PAK5: variants seen among roughly 807,000 people sequenced by gnomAD.
PAK5 encodes p21 (RAC1) activated kinase 5, also known as serine/threonine-protein kinase PAK 5.
A neutral mutation model predicts 65.9 loss-of-function variants in PAK5; 16 were observed. The ratio of observed to expected loss-of-function variants is 0.24; its 90% CI spans 0.16 to 0.37. The LOEUF is 0.37. Among genes scored for constraint, PAK5 ranks in the 10% least tolerant of loss-of-function variants. PAK5 has a pLI of 1.00. For missense variants in PAK5, 785 were observed against 903.9 expected, an observed-to-expected ratio of 0.87 and a Z score of 1.69; for synonymous variants, 371 against 354.9, an observed-to-expected ratio of 1.05 and a Z score of -0.51.
chr20:9,642,049 G>A (rs1004244787), intron 3 of PAK5, among the ~76,000 whole-genome samples: 10 of 152,238 alleles, frequency 6.6e-5, no homozygotes, highest in Admixed American at 6.5e-4. Context: ...AGTGCAGCGG[G>A]GGGGCTGAAG....
chr20:9,738,112 G>A (rs1419219336), intron 1 of PAK5, among the ~76,000 whole-genome samples: 2 of 152,048 alleles, frequency 1.3e-5, no homozygotes, highest in South Asian at 2.1e-4. Context: ...CTGTACTCCA[G>A]CCTGGTTACA....
At chr20:9,565,843 G>T in intron 5 of PAK5, 50 bp downstream of exon 5, 1 of 1,539,450 alleles carries the variant, frequency 6.5e-7, no homozygotes. Context: ...TTTGAAATGG[G>T]AAATAAATGT....
chr20:9,670,777 A>T (rs1362075940), intron 2 of PAK5, among the ~76,000 whole-genome samples: 2 of 152,152 alleles, frequency 1.3e-5, no homozygotes, highest in Non-Finnish European at 1.5e-5. Flanking sequence ...CTTTAGTTTA[A>T]TTAGATCCCA....
chr20:9,545,521 G>A (rs6056686), intron 7 of PAK5, among the ~76,000 whole-genome samples: 28,929 of 152,034 alleles, frequency 0.19, 3,628 homozygotes, highest in African/African-American at 0.36. Flanking sequence ...ACAGTCTCCA[G>A]GGTATGAATT....
chr20:9,610,972 T>C (rs572128018), intron 3 of PAK5, among the ~76,000 whole-genome samples: 6 of 152,348 alleles, frequency 3.9e-5, no homozygotes, highest in Non-Finnish European at 8.8e-5. Flanking sequence ...CTCATTCAAA[T>C]GGACATCTCG....
At chr20:9,829,893 C>T (rs1327294636) in intron 1 of PAK5, among the ~76,000 whole-genome samples, 1 of 152,202 alleles carries the variant, frequency 6.6e-6, no homozygotes, top group East Asian at 1.9e-4. Context: ...TTGCTCCCCT[C>T]CCCATCCCTT....
chr20:9,614,575 G>A (rs1481043397), intron 3 of PAK5, among the ~76,000 whole-genome samples: 1 of 152,128 alleles, frequency 6.6e-6, no homozygotes, highest in Non-Finnish European at 1.5e-5. Flanking sequence ...CCCAAAAGAT[G>A]CCAAAGGTGA....
In PAK5 at chr20:9,644,478, G is replaced by A. The variant is rs2123277005; in HGVS notation, c.-11-139C>T. 3 of 616,394 alleles carry A rather than the reference G, an allele frequency of 4.9e-6. No individual in the cohort carries two copies. In the South Asian group the frequency reaches 6.1e-5, roughly 13 times the overall value. The allele number at this position is 616,394 out of a possible 1,614,324, so 38.2% of individuals were successfully genotyped here. A position where few individuals can be genotyped will look rare whatever the true frequency, so the allele number is the denominator to read the frequency against. ...CCCAGCTGCAAAAGATAAAAGTTGAGTTTTCAGGGTGTGTAAATTAGATAA... is the reference window on the plus strand; with the variant it reads ...CCCAGCTGCAAAAGATAAAAGTTGAATTTTCAGGGTGTGTAAATTAGATAA... On this transcript the variant is annotated intron_variant, in intron 2 of 9. Coordinates refer to ENST00000353224, the MANE Select transcript of PAK5 (RefSeq NM_177990.4).
chr20:9,679,198 C>T (rs2047616544), intron 2 of PAK5, among the ~76,000 whole-genome samples: 1 of 152,142 alleles, frequency 6.6e-6, no homozygotes, highest in Non-Finnish European at 1.5e-5. Context: ...ATTCTTTCCT[C>T]TAGTTTACTT....
At chr20:9,673,254 C>T (rs977075048) in intron 2 of PAK5, among the ~76,000 whole-genome samples, 5 of 151,936 alleles carry the variant, frequency 3.3e-5, no homozygotes, top group Admixed American at 3.3e-4. Context: ...TGTTTATTAT[C>T]ATATTTACTG....
At chr20:9,586,393 T>C (rs1447082969) in intron 3 of PAK5, among the ~76,000 whole-genome samples, 1 of 152,142 alleles carries the variant, frequency 6.6e-6, no homozygotes, top group Non-Finnish European at 1.5e-5. Flanking sequence ...GTTGATTGGG[T>C]AGACTTTAAA....
intron 1 of PAK5, among the ~76,000 whole-genome samples, chr20:9,813,959 A>G (rs2123760029): frequency 6.6e-6 from 1 of 152,268 alleles, no homozygotes; most frequent in Middle Eastern, 3.4e-3. Flanking sequence ...ATAAAAATGA[A>G]CCCATATGAT....
At chr20:9,834,300 C>A (rs1452547665) in intron 1 of PAK5, among the ~76,000 whole-genome samples, 6 of 152,174 alleles carry the variant, frequency 3.9e-5, no homozygotes, top group Admixed American at 3.9e-4. Context: ...CTTGGGCACT[C>A]AGTCTTACTA....
At chr20:9,587,110 C>T (rs1474342996) in intron 3 of PAK5, among the ~76,000 whole-genome samples, 1 of 151,980 alleles carries the variant, frequency 6.6e-6, no homozygotes, top group Non-Finnish European at 1.5e-5. Context: ...CTTATAAGTG[C>T]TAGTTACTTA....
chr20:9,746,863 G>A (rs2423461), intron 1 of PAK5, among the ~76,000 whole-genome samples: 33,670 of 151,782 alleles, frequency 0.22, 4,031 homozygotes, highest in East Asian at 0.31. Flanking sequence ...ATAGAGACAC[G>A]AAAAACCCTT....
intron 2 of PAK5, among the ~76,000 whole-genome samples, chr20:9,678,874 G>C (rs952754681): frequency 6.6e-6 from 1 of 152,126 alleles, no homozygotes; most frequent in Non-Finnish European, 1.5e-5. Context: ...GGGATTATGG[G>C]AAGTGCAATT....
In PAK5 at chr20:9,597,961, A is replaced by T. The variant is rs113604094; in HGVS notation, c.205-17031T>A. Among the ~76,000 whole-genome samples, 6 of 152,320 alleles carry T rather than the reference A, an allele frequency of 3.9e-5. 1 individual carries two copies. The highest frequency in any genetic ancestry group is 1.2e-4 in the African/African-American group (5 of 41,564). On this transcript the variant is annotated intron_variant, in intron 3 of 9. Transcript: ENST00000353224. ...AGGAACAATAAACAGTTTTTAAAAAAATTTATTTTAAGTTCCAGGATACAT... is the reference window on the plus strand; with the variant it reads ...AGGAACAATAAACAGTTTTTAAAAATATTTATTTTAAGTTCCAGGATACAT...
At chr20:9,632,221 A>G (rs907025147) in intron 3 of PAK5, among the ~76,000 whole-genome samples, 1 of 152,188 alleles carries the variant, frequency 6.6e-6, no homozygotes, top group Non-Finnish European at 1.5e-5. Flanking sequence ...AGCTGTCCTT[A>G]TTTGATGAGT....
At chr20:9,654,571 C>G (rs1274326341) in intron 2 of PAK5, among the ~76,000 whole-genome samples, 1 of 152,112 alleles carries the variant, frequency 6.6e-6, no homozygotes, top group Non-Finnish European at 1.5e-5. Flanking sequence ...GTTTTCCACC[C>G]TGTAGGCAGA....
Sources: allele counts gnomAD v4.1 joint callset (sites outside exome capture counted in the v4.1 genomes callset), GRCh38; gene constraint gnomAD v4.1.1; transcripts MANE v1.5; gene names NCBI Gene and HGNC (gene_info 2026-07-23, HGNC 2026-07-21).